Variants in YTHDC2 observed in about 807,000 individuals in gnomAD.
YTHDC2 encodes 3'-5' RNA helicase YTHDC2.
In YTHDC2, 45 loss-of-function variants were observed where a neutral mutation model predicts 174.9. The ratio of observed to expected loss-of-function variants is 0.26; its 90% confidence interval spans 0.20 to 0.33. The LOEUF is 0.33. Ranked by LOEUF, YTHDC2 falls within the 10% of genes least tolerant of loss-of-function variation. The pLI, the probability that YTHDC2 is intolerant of heterozygous loss-of-function variation, is 1.00. For missense variants in YTHDC2, 1,650 were observed against 1,723.7 expected (o/e 0.96, Z 0.76); for synonymous variants, 657 against 574.5 (o/e 1.14, Z -2.05).
chr5:113,557,432 A>C (rs1776686545), intron 17 of YTHDC2, among the ~76,000 whole-genome samples: 1 of 152,098 alleles, frequency 6.6e-6, no homozygotes, highest in Non-Finnish European at 1.5e-5. Flanking sequence ...TTGTTATGTC[A>C]GTTGTTTTCT....
intron 23 of YTHDC2, among the ~76,000 whole-genome samples, chr5:113,573,836 C>T (rs1386234188): frequency 6.6e-6 from 1 of 152,134 alleles, no homozygotes; most frequent in African/African-American, 2.4e-5. Flanking sequence ...TTATGTTCTT[C>T]TCTAAACTGG....
rs367950987 is a variant in YTHDC2, at chr5:113,586,853, ATC to A, written c.3825+2394_3825+2395del. Among the ~76,000 whole-genome samples, 62 of 126,294 alleles carry A rather than the reference ATC, an allele frequency of 4.9e-4. 1 individual carries two copies. The highest frequency in any genetic ancestry group is 1.5e-3 in the South Asian group (6 of 4,090). The allele number at this position is 126,294 out of a possible 152,430, so 82.9% of individuals were successfully genotyped here. A position where few individuals can be genotyped will look rare whatever the true frequency, so the allele number is the denominator to read the frequency against. ...TATTGGACTCTTCAGTTTCATTAAT[ATC>A]TCTCTCTCTCTCTCTCTCTATATAT... On this transcript the variant is annotated intron_variant, in intron 26 of 29. Coordinates refer to ENST00000161863, the MANE Select transcript of YTHDC2 (RefSeq NM_022828.5).
chr5:113,586,655 A>G (rs1026357173), intron 26 of YTHDC2, among the ~76,000 whole-genome samples: 5 of 151,364 alleles, frequency 3.3e-5, no homozygotes, highest in Non-Finnish European at 7.4e-5. Context: ...TTTTAGATAT[A>G]TGATTTATTT....
rs1465639720 is a variant in YTHDC2 at position 113,592,036 on chromosome 5, G to A, written c.4070G>A (p.Ser1357Asn). 8.1e-6 allele frequency: 13 copies of A among 1,611,920 alleles called. No individual in the cohort carries two copies. Among genetic ancestry groups the A allele is most frequent in the Non-Finnish European group, 1.1e-5 (13 of 1,178,874 alleles). Residue 1357 changes from serine to asparagine, a missense_variant, in exon 28 of 30, where the codon AGT becomes AAT. Around this residue, in one of 5 missense-constraint regions of YTHDC2, gnomAD observed 913 missense variants for 940.4 expected, o/e 0.97. Transcript: ENST00000161863. ...RMSSEIGREK[S>N]QDWGSAGLGG... is the part of the protein sequence containing the mutation. ...TCTTCTGAGATTGGAAGGGAAAAGA[G>A]TCAGGACTGGGGCTCTGCTGGACTA...
chr5:113,523,918 G>C (rs1292970690), intron 2 of YTHDC2, among the ~76,000 whole-genome samples: 1 of 151,936 alleles, frequency 6.6e-6, no homozygotes, highest in African/African-American at 2.4e-5. Flanking sequence ...TTAACAAATG[G>C]CAAAACATTT....
chr5:113,560,085 T>G (rs1291292237), intron 17 of YTHDC2, among the ~76,000 whole-genome samples: 1 of 152,240 alleles, frequency 6.6e-6, no homozygotes, highest in Non-Finnish European at 1.5e-5. Flanking sequence ...GCAATGCTCC[T>G]GCTCATTCCT....
chr5:113,540,659 T>C (rs1276008700), intron 8 of YTHDC2, among the ~76,000 whole-genome samples: 1 of 152,110 alleles, frequency 6.6e-6, no homozygotes, highest in Admixed American at 6.5e-5. Flanking sequence ...TGGGGGAAAC[T>C]GCCCCCATGA....
intron 7 of YTHDC2, among the ~76,000 whole-genome samples, chr5:113,536,485 A>G (rs886165113): frequency 5.9e-5 from 9 of 152,234 alleles, no homozygotes; most frequent in African/African-American, 7.2e-5. Flanking sequence ...AGATTGTGCC[A>G]CTGCACTCCA....
chr5:113,577,145 A>G (rs1016151118), intron 23 of YTHDC2, among the ~76,000 whole-genome samples: 2 of 152,048 alleles, frequency 1.3e-5, no homozygotes, highest in Non-Finnish European at 2.9e-5. Flanking sequence ...ACCTTTTTGT[A>G]TACTCTATTC....
Position 113,526,714 on chromosome 5 carries a change from A to G in YTHDC2, c.604A>G (p.Ile202Val). The G allele has an allele frequency of 6.3e-7, 1 of 1,581,490 alleles. No individual in the cohort carries two copies. The highest frequency in any genetic ancestry group is 8.6e-7 in the Non-Finnish European group (1 of 1,162,664). Residue 202 changes from isoleucine to valine, a missense_variant, in exon 4 of 30, where the codon ATT (isoleucine) becomes GTT (valine). Physicochemically the swap from Ile to Val is conservative, Grantham distance 29. Transcript: ENST00000161863. ...SLPVFEKQEEIVKIIKENKVV... is the reference protein window; with the variant it reads ...SLPVFEKQEEVVKIIKENKVV... ...ACCAGTGTTTGAGAAACAGGAAGAAATTGTTAAAATAATTAAGGAAAATAA... is the reference window on the plus strand; with the variant it reads ...ACCAGTGTTTGAGAAACAGGAAGAAGTTGTTAAAATAATTAAGGAAAATAA...
At chr5:113,533,300 T>C (rs1774814784) in intron 5 of YTHDC2, among the ~76,000 whole-genome samples, 1 of 151,960 alleles carries the variant, frequency 6.6e-6, no homozygotes, top group African/African-American at 2.4e-5. Flanking sequence ...CCCAGTACTT[T>C]GGGAGGCCGA....
At chr5:113,536,274 C>G (rs2112596111) in intron 7 of YTHDC2, among the ~76,000 whole-genome samples, 1 of 152,286 alleles carries the variant, frequency 6.6e-6, no homozygotes, top group Non-Finnish European at 1.5e-5. Context: ...GCCTGTAATC[C>G]CAGCACTTTG....
chr5:113,549,811 A>G (rs1776127086), intron 12 of YTHDC2, among the ~76,000 whole-genome samples: 1 of 151,982 alleles, frequency 6.6e-6, no homozygotes, highest in Admixed American at 6.6e-5. Context: ...TTTATTGTCT[A>G]TCTCTTCTCC....
chr5:113,531,458 G>A (rs937826562), intron 4 of YTHDC2, among the ~76,000 whole-genome samples: 10 of 152,048 alleles, frequency 6.6e-5, no homozygotes, highest in Non-Finnish European at 1.3e-4. Context: ...TGAGTAGAGA[G>A]CAATTATGTG....
Position 113,567,778 on chromosome 5 carries a change from T to C in YTHDC2, c.3173T>C (p.Val1058Ala). ...AGATGTTGTTCAGCAGTGACGCCTG[T>C]CACTATATTGGTATTCTGTGGACCA... ...NIRCCSAVTP[V>A]TILVFCGPAR... The change falls in exon 23 of 30, where the codon GTC (valine) becomes GCC (alanine). Residue 1058 changes from valine (V) to alanine (A), a missense_variant. By Grantham distance (64) the Val-to-Ala change is moderately conservative. Around this residue, in one of 5 missense-constraint regions of YTHDC2, gnomAD observed 913 missense variants for 940.4 expected, o/e 0.97. Transcript: ENST00000161863. 6.2e-7 allele frequency: 1 copy of C among 1,609,328 alleles called. No individual in the cohort carries two copies. The highest frequency in any genetic ancestry group is 8.5e-7 in the Non-Finnish European group (1 of 1,177,646).
intron 10 of YTHDC2, 53 bp from the exon 11 acceptor site, chr5:113,548,488 T>G: frequency 6.6e-7 from 1 of 1,515,266 alleles, no homozygotes; most frequent in Non-Finnish European, 8.9e-7. Context: ...AGAATGAAAA[T>G]GGTTTGAAGT....
At position 113,525,221 on chromosome 5, in the gene YTHDC2, A is replaced by T. The variant is rs762385940; in HGVS notation, c.475+44A>T. ...GCTTCCTCATTTACCCTATTATTTG[A>T]TGACTGTTCTTTTTCCATTTTAGAT... On this transcript the variant is annotated intron_variant, in intron 3 of 29. Transcript: ENST00000161863. The T allele has an allele frequency of 1.5e-5, 21 of 1,418,534 alleles. No homozygotes were observed. The East Asian group carries it at 5.2e-4, about 35-fold the overall frequency. The allele number at this position is 1,418,534 out of a possible 1,614,324, so 87.9% of individuals were successfully genotyped here. A position where few individuals can be genotyped will look rare whatever the true frequency, so the allele number is the denominator to read the frequency against.
At chr5:113,526,811 GAA>G (rs58260423) in intron 4 of YTHDC2, 26 bp downstream of exon 4, 8,702 of 259,210 alleles carry the variant, frequency 0.034, 171 homozygotes, top group African/African-American at 0.062. Flanking sequence ...GTTGTTTATA[GAA>G]AAAAAAAAAA....
chr5:113,524,919 A>T, intron 2 of YTHDC2, 62 bp from the exon 3 acceptor site: 1 of 1,214,862 alleles, frequency 8.2e-7, no homozygotes, highest in Non-Finnish European at 1.1e-6. Flanking sequence ...CTAAGTGGGC[A>T]TACATCATAT....
Sources: allele counts gnomAD v4.1 joint callset (sites outside exome capture counted in the v4.1 genomes callset), GRCh38; gene constraint gnomAD v4.1.1; regional missense constraint gnomAD v4.1.1; transcripts MANE v1.5; gene names NCBI Gene and HGNC (gene_info 2026-07-23, HGNC 2026-07-21).